The following STK33 variants were observed in gnomAD, a reference collection of about 807,000 sequenced individuals.
The protein encoded by STK33 is serine/threonine kinase 33.
In STK33, 52 loss-of-function variants were observed where a neutral mutation model predicts 58.0. The ratio of observed to expected loss-of-function variants is 0.90; its 90% CI spans 0.72 to 1.13. The LOEUF is 1.13. Among genes scored for constraint, STK33 ranks in the 50% most tolerant of loss-of-function variants. STK33 has a pLI of 0.00. For synonymous variants in STK33, 215 were observed against 200.1 expected, an observed-to-expected ratio of 1.07 and a Z score of -0.63; for missense variants, 630 against 604.2, an observed-to-expected ratio of 1.04 and a Z score of -0.45.
chr11:8,522,706 C>T (rs139860230), intron 1 of STK33, among the ~76,000 whole-genome samples: 118 of 152,224 alleles, frequency 7.8e-4, no homozygotes, highest in African/African-American at 2.8e-3. Flanking sequence ...TGAAAGCAGT[C>T]AGCAAAACAA....
At chr11:8,558,669 G>C (rs955439429) in intron 1 of STK33, among the ~76,000 whole-genome samples, 2 of 152,156 alleles carry the variant, frequency 1.3e-5, no homozygotes, top group Admixed American at 6.5e-5. Context: ...GTAGCTGGTA[G>C]ATATTCCAGG....
chr11:8,492,512 C>G (rs573656715), intron 1 of STK33, among the ~76,000 whole-genome samples: 10 of 152,130 alleles, frequency 6.6e-5, no homozygotes, highest in Admixed American at 5.9e-4. Context: ...ACTATAACAC[C>G]CCACTGTCAA....
intron 1 of STK33, among the ~76,000 whole-genome samples, chr11:8,517,358 A>G (rs1190273817): frequency 6.6e-6 from 1 of 152,236 alleles, no homozygotes; most frequent in Non-Finnish European, 1.5e-5. Context: ...GACCAAAGGT[A>G]GATAAAAACA....
At chr11:8,393,548 G>A (rs925917034) in intron 15 of STK33, among the ~76,000 whole-genome samples, 2 of 152,144 alleles carry the variant, frequency 1.3e-5, no homozygotes, top group African/African-American at 4.8e-5. Context: ...TGTCTCAGGA[G>A]ACCCACAAAG....
chr11:8,470,038 AACTT>A, intron 6 of STK33, among the ~76,000 whole-genome samples: 1 of 152,366 alleles, frequency 6.6e-6, no homozygotes, highest in African/African-American at 2.4e-5. Flanking sequence ...CAGTGGCTTC[AACTT>A]AAAGTCACCA....
intron 1 of STK33, among the ~76,000 whole-genome samples, chr11:8,490,290 T>C (rs1286876226): frequency 6.6e-6 from 1 of 152,228 alleles, no homozygotes; most frequent in African/African-American, 2.4e-5. Context: ...GGATAGGTCC[T>C]ACGCCTATGG....
chr11:8,506,844 A>G (rs1290648742), intron 1 of STK33, among the ~76,000 whole-genome samples: 4 of 152,144 alleles, frequency 2.6e-5, no homozygotes, highest in Admixed American at 6.5e-5. Context: ...ATATAAATAC[A>G]CACACATACA....
At chr11:8,373,589 C>G in the STK33 span, among the ~76,000 whole-genome samples, 2 of 152,086 alleles carry the variant, frequency 1.3e-5, no homozygotes, top group Non-Finnish European at 2.9e-5. Flanking sequence ...ACACAGGGGG[C>G]TCAGGGTGGT....
At chr11:8,380,930 A>T in the STK33 span, among the ~76,000 whole-genome samples, 1 of 152,234 alleles carries the variant, frequency 6.6e-6, no homozygotes, top group Admixed American at 6.5e-5. Context: ...CACACTACTC[A>T]GCCATCAAAA....
intron 1 of STK33, among the ~76,000 whole-genome samples, chr11:8,556,439 T>C (rs1313676877): frequency 6.6e-6 from 1 of 152,218 alleles, no homozygotes; most frequent in Non-Finnish European, 1.5e-5. Flanking sequence ...GTCTTGCTCA[T>C]AGACTAGTAC....
chr11:8,420,807 G>C (rs1941803560), intron 14 of STK33, among the ~76,000 whole-genome samples: 1 of 152,054 alleles, frequency 6.6e-6, no homozygotes, highest in African/African-American at 2.4e-5. Flanking sequence ...GACCAGCCTG[G>C]GCAACATAGG....
At chr11:8,461,769 A>G (rs368337769) in intron 8 of STK33, 36 bp downstream of exon 8, 1 of 1,466,182 alleles carries the variant, frequency 6.8e-7, no homozygotes, top group Non-Finnish European at 9.2e-7. Context: ...TGTAATAATA[A>G]CAACTTTCAA....
At chr11:8,463,927 T>C (rs1240000665) in intron 7 of STK33, among the ~76,000 whole-genome samples, 3 of 152,318 alleles carry the variant, frequency 2.0e-5, no homozygotes, top group South Asian at 4.1e-4. Context: ...TTAATCCCTT[T>C]ACTAAGATTG....
At chr11:8,387,351 C>A (rs1431712557), downstream of STK33, among the ~76,000 whole-genome samples, 3 of 152,202 alleles carry the variant, frequency 2.0e-5, no homozygotes, top group African/African-American at 7.2e-5. Context: ...AACAGTGATA[C>A]TTGAGCACAC....
intron 12 of STK33, among the ~76,000 whole-genome samples, chr11:8,438,189 T>G (rs1348026130): frequency 6.6e-6 from 1 of 152,172 alleles, no homozygotes; most frequent in Non-Finnish European, 1.5e-5. Flanking sequence ...GCAATTTTAT[T>G]TACATAAAAA....
At chr11:8,494,342 C>A (rs550067608) in intron 1 of STK33, among the ~76,000 whole-genome samples, 42 of 152,204 alleles carry the variant, frequency 2.8e-4, no homozygotes, top group African/African-American at 9.9e-4. Flanking sequence ...CTCCCATTCA[C>A]AATTGCTACA....
intron 1 of STK33, among the ~76,000 whole-genome samples, chr11:8,558,743 T>A (rs1956934041): frequency 6.6e-6 from 1 of 152,204 alleles, no homozygotes; most frequent in Admixed American, 6.5e-5. Context: ...CTGTATTCTG[T>A]GTTCACCTGG....
chr11:8,563,974 G>A (rs1298085159), intron 1 of STK33, among the ~76,000 whole-genome samples: 3 of 152,206 alleles, frequency 2.0e-5, no homozygotes, highest in Non-Finnish European at 4.4e-5. Flanking sequence ...CAAAGATGGT[G>A]AGGTAGACAA....
At chr11:8,575,849 A>G (rs765904684) in intron 1 of STK33, among the ~76,000 whole-genome samples, 2 of 152,192 alleles carry the variant, frequency 1.3e-5, no homozygotes, top group Non-Finnish European at 2.9e-5. Context: ...CCATAGTAAC[A>G]GACTAAAAAA....
Sources: gnomAD v4.1 joint callset for allele counts (sites outside exome capture counted in the v4.1 genomes callset) on GRCh38, gnomAD v4.1.1 for gene constraint, MANE v1.5 for transcripts, NCBI Gene and HGNC (gene_info 2026-07-23, HGNC 2026-07-21) for gene names.